The following PARD3B variants were observed in gnomAD, a reference collection of about 807,000 sequenced individuals.
PARD3B encodes the protein par-3 family cell polarity regulator beta.
PARD3B carries 103 observed loss-of-function variants against 130.2 expected under a neutral mutation model. The observed-to-expected ratio is 0.79, with a 90% CI of 0.67 to 0.93. The LOEUF is 0.93. PARD3B is among the 40% of genes least tolerant of loss of function. The pLI is 0.00. For synonymous variants in PARD3B, 583 were observed against 553.2 expected, an observed-to-expected ratio of 1.05 and a Z score of -0.76; for missense variants, 1,609 against 1,499.2, an observed-to-expected ratio of 1.07 and a Z score of -1.21.
chr2:205,171,736 A>G (rs1160977711), intron 11 of PARD3B, among the ~76,000 whole-genome samples: 1 of 152,002 alleles, frequency 6.6e-6, no homozygotes, highest in Admixed American at 6.5e-5. Context: ...AGAGCTAGCA[A>G]TGATATCAGG....
intron 16 of PARD3B, among the ~76,000 whole-genome samples, chr2:205,290,153 G>A (rs141341465): frequency 6.6e-6 from 1 of 152,274 alleles, no homozygotes; most frequent in East Asian, 1.9e-4. Context: ...TATGAATCCA[G>A]ATAAATCCAG....
chr2:205,245,709 T>A (rs1338390630), intron 15 of PARD3B, 69 bp from the exon 16 acceptor site: 1 of 1,252,562 alleles, frequency 8.0e-7, no homozygotes, highest in Non-Finnish European at 1.2e-6. Context: ...TCTGCATTAA[T>A]TTACTGTTTA....
chr2:205,185,293 CTATG>C, intron 13 of PARD3B, among the ~76,000 whole-genome samples: 1 of 152,002 alleles, frequency 6.6e-6, no homozygotes, highest in Non-Finnish European at 1.5e-5. Context: ...TTTATCTCCA[CTATG>C]TCTAAATGGT....
chr2:204,762,289 T>C (rs2040938860), intron 2 of PARD3B, among the ~76,000 whole-genome samples: 1 of 151,860 alleles, frequency 6.6e-6, no homozygotes, highest in Non-Finnish European at 1.5e-5. Context: ...GCCCAGCTAA[T>C]TTTTTGTAGA....
Position 205,047,616 on chromosome 2 carries a change from G to C in PARD3B, c.430G>C (p.Val144Leu). 6.4e-7 allele frequency: 1 copy of C among 1,550,552 alleles called. No individual in the cohort carries two copies. Among genetic ancestry groups the C allele is most frequent in the Non-Finnish European group, 8.7e-7 (1 of 1,146,898 alleles). ...PLLVRRSSDP[V>L]PGPPADTQPS... ...GCTGGTGAGGAGAAGCAGTGACCCAGTGCCAGGCCCACCTGCTGATACCCA... is the reference window on the plus strand; with the variant it reads ...GCTGGTGAGGAGAAGCAGTGACCCACTGCCAGGCCCACCTGCTGATACCCA... The change falls in exon 4 of 23, where the codon GTG becomes CTG. Residue 144 changes from valine (V) to leucine (L), a missense_variant. Physicochemically the swap from Val to Leu is conservative, Grantham distance 32. Transcript: ENST00000406610.
At chr2:205,466,904 G>C (rs964888318) in intron 20 of PARD3B, among the ~76,000 whole-genome samples, 35 of 152,144 alleles carry the variant, frequency 2.3e-4, no homozygotes, top group Non-Finnish European at 8.8e-5. Flanking sequence ...GTAGAGACAG[G>C]GTTTCACCAT....
chr2:205,573,537 G>A (rs10194504), intron 22 of PARD3B, among the ~76,000 whole-genome samples: 72,863 of 151,946 alleles, frequency 0.48, 19,064 homozygotes, highest in Admixed American at 0.64. Flanking sequence ...GTATGAAAAG[G>A]AAACTGAGAT....
intron 2 of PARD3B, among the ~76,000 whole-genome samples, chr2:204,877,432 G>T (rs1457237806): frequency 1.3e-5 from 2 of 152,146 alleles, no homozygotes. Flanking sequence ...AGTACTCAGT[G>T]AGATGGAAAC....
intron 2 of PARD3B, among the ~76,000 whole-genome samples, chr2:204,895,802 G>A (rs749069201): frequency 9.9e-5 from 15 of 152,088 alleles, no homozygotes; most frequent in Non-Finnish European, 1.8e-4. Flanking sequence ...AAGAGTATGT[G>A]CATGAAAGCA....
intron 1 of PARD3B, among the ~76,000 whole-genome samples, chr2:204,566,900 A>G (rs1415097500): frequency 6.8e-6 from 1 of 146,694 alleles, no homozygotes; most frequent in Non-Finnish European, 1.5e-5. Context: ...TTTTTTTGAG[A>G]CGGAGTCTCG....
intron 15 of PARD3B, among the ~76,000 whole-genome samples, chr2:205,216,919 C>G (rs573625442): frequency 6.6e-5 from 10 of 152,120 alleles, no homozygotes; most frequent in Admixed American, 1.3e-4. Flanking sequence ...TCCTTCTCCT[C>G]TTCACTCTGC....
chr2:205,174,845 G>T (rs1391872343), intron 12 of PARD3B, among the ~76,000 whole-genome samples: 1 of 152,180 alleles, frequency 6.6e-6, no homozygotes, highest in Non-Finnish European at 1.5e-5. Context: ...ACCTTGTGAA[G>T]AATACATAAT....
chr2:205,543,023 T>C (rs951501929), intron 21 of PARD3B, among the ~76,000 whole-genome samples: 12 of 152,194 alleles, frequency 7.9e-5, no homozygotes, highest in African/African-American at 2.9e-4. Context: ...GCATGGAATC[T>C]GATTCATTCT....
intron 15 of PARD3B, 151 bp from the exon 16 acceptor site, chr2:205,245,627 T>C: frequency 1.9e-6 from 1 of 516,146 alleles, no homozygotes; most frequent in Non-Finnish European, 3.5e-6. Flanking sequence ...AAAAGTGAGG[T>C]ATCCCAGGGT....
chr2:204,676,250 C>A (rs1254107188), intron 1 of PARD3B, among the ~76,000 whole-genome samples: 1 of 151,574 alleles, frequency 6.6e-6, no homozygotes, highest in Non-Finnish European at 1.5e-5. Flanking sequence ...AAGAGTATTT[C>A]TTTTACCTTG....
At chr2:204,774,226 G>T (rs999091450) in intron 2 of PARD3B, among the ~76,000 whole-genome samples, 3 of 151,756 alleles carry the variant, frequency 2.0e-5, no homozygotes, top group Non-Finnish European at 4.4e-5. Context: ...TTCTTTATTA[G>T]CACTTAATAC....
chr2:204,919,797 C>A (rs1176205508), intron 2 of PARD3B, among the ~76,000 whole-genome samples: 1 of 152,124 alleles, frequency 6.6e-6, no homozygotes, highest in African/African-American at 2.4e-5. Flanking sequence ...TAAGGCAAGC[C>A]ATACGTTGTA....
At chr2:205,249,006 G>GTTTTTTTTT (rs10707308) in intron 16 of PARD3B, among the ~76,000 whole-genome samples, 1 of 95,084 alleles carries the variant, frequency 1.1e-5, no homozygotes, top group African/African-American at 4.7e-5. Flanking sequence ...TAAAATAAGA[G>GTTTTTTTTT]TTTTTTTTTT....
intron 1 of PARD3B, among the ~76,000 whole-genome samples, chr2:204,578,957 G>C (rs193253109): frequency 1.3e-5 from 2 of 152,012 alleles, no homozygotes; most frequent in Non-Finnish European, 2.9e-5. Flanking sequence ...GATTCCTCCT[G>C]TGTACTGAGG....
Sources: allele counts gnomAD v4.1 joint callset (sites outside exome capture counted in the v4.1 genomes callset), GRCh38; gene constraint gnomAD v4.1.1; transcripts MANE v1.5; gene names NCBI Gene and HGNC (gene_info 2026-07-23, HGNC 2026-07-21).